The following EIF4E variants were observed in gnomAD, a reference collection of about 807,000 sequenced individuals.
EIF4E encodes eukaryotic translation initiation factor 4E, also known as eIF-4F 25 kDa subunit.
For synonymous variants in EIF4E, 71 were observed against 88.5 expected (o/e 0.80, Z 1.11); for missense variants, 113 against 265.6 (o/e 0.43, Z 3.99).
At chr4:98,914,850 TG>T (rs1263359141) in intron 1 of EIF4E, among the ~76,000 whole-genome samples, 1 of 152,170 alleles carries the variant, frequency 6.6e-6, no homozygotes, top group East Asian at 1.9e-4. Flanking sequence ...ATGTTGACAC[TG>T]GGAAAGCTGT....
Position 98,909,975 on chromosome 4 carries a change from T to C in EIF4E, c.19-7993A>G, listed in dbSNP as rs562503628. 5 of 482,696 alleles carry C rather than the reference T, an allele frequency of 1.0e-5. No individual in the cohort carries two copies. In the South Asian group the frequency reaches 1.7e-4, roughly 16 times the overall value. 29.9% of individuals were successfully genotyped at this position (482,696 alleles called of 1,614,324 possible). A position where few individuals can be genotyped will look rare whatever the true frequency, so the allele number is the denominator to read the frequency against. On this transcript the variant is annotated intron_variant, in intron 1 of 6. Transcript: ENST00000450253. ...TCACAGCACCCTCAAATATGTAAATTAGTATAATTAATTAACTAGTACACA... is the reference window on the plus strand; with the variant it reads ...TCACAGCACCCTCAAATATGTAAATCAGTATAATTAATTAACTAGTACACA...
rs2110169780 is a variant in EIF4E at position 98,879,806 on chromosome 4, C to T, written c.*1222G>A. On this transcript the variant is annotated 3_prime_UTR_variant, in exon 7 of 7. Transcript: ENST00000450253. The stretch of plus-strand genomic sequence containing the variant: ...ACATATTAAGAGAGTACATTATTTA[C>T]CTAAGACTGAATGACTGTGCCTTAC... The T allele has an allele frequency of 6.6e-6, 1 of 152,168 alleles. No individual in the cohort carries two copies. Among genetic ancestry groups the T allele is most frequent in the South Asian group, 2.1e-4 (1 of 4,816 alleles). The allele number at this position is 152,168 out of a possible 1,614,324, so 9.4% of individuals were successfully genotyped here.
intron 2 of EIF4E, among the ~76,000 whole-genome samples, chr4:98,898,363 C>T (rs1724506784): frequency 6.6e-6 from 1 of 152,108 alleles, no homozygotes; most frequent in Admixed American, 6.6e-5. Flanking sequence ...AATCCCAGCA[C>T]TTTGCGAGGC....
chr4:98,906,509 A>G (rs72905048), intron 1 of EIF4E, among the ~76,000 whole-genome samples: 10,279 of 152,144 alleles, frequency 0.068, 1,133 homozygotes, highest in African/African-American at 0.23. Flanking sequence ...CAAAAGTATT[A>G]TATTAGAAAT....
rs113885061 is a variant in EIF4E, at chr4:98,918,188, C to A, written c.18+10907G>T. Among the ~76,000 whole-genome samples the A allele has an allele frequency of 4.6e-5, 7 of 151,444 alleles. 1 individual carries two copies. Among genetic ancestry groups the A allele is most frequent in the African/African-American group, 1.7e-4 (7 of 41,348 alleles). ...GACCAGCCTGGCCAACATGATGAAA[C>A]CCTGTCTCTACTAAAAACACAAACA... On this transcript the variant is annotated intron_variant, in intron 1 of 6. Transcript: ENST00000450253.
At chr4:98,903,998 G>C (rs903568999) in intron 1 of EIF4E, among the ~76,000 whole-genome samples, 3 of 152,150 alleles carry the variant, frequency 2.0e-5, no homozygotes, top group Non-Finnish European at 2.9e-5. Flanking sequence ...TTGGGGGACA[G>C]GGTACCAGAG....
At chr4:98,892,336 C>CAAAAAAAAA (rs1724180139) in intron 2 of EIF4E, among the ~76,000 whole-genome samples, 1 of 131,228 alleles carries the variant, frequency 7.6e-6, no homozygotes, top group Non-Finnish European at 1.6e-5. Flanking sequence ...AACAAAAAAA[C>CAAAAAAAAA]AAACAAAAAA....
In EIF4E at chr4:98,887,838, C is replaced by G; in HGVS notation, c.285+51G>C. The G allele has an allele frequency of 6.6e-7, 1 of 1,510,484 alleles. No homozygotes were observed. Among genetic ancestry groups the G allele is most frequent in the Non-Finnish European group, 9.2e-7 (1 of 1,092,708 alleles). The allele number at this position is 1,510,484 out of a possible 1,614,324, so 93.6% of individuals were successfully genotyped here. ...TTATGGTAAGATTTCTTAATGAATACCAAATGGCCCAGTCCTATAATAAAT... is the reference window on the plus strand; with the variant it reads ...TTATGGTAAGATTTCTTAATGAATAGCAAATGGCCCAGTCCTATAATAAAT... On this transcript the variant is annotated intron_variant, in intron 4 of 6. Coordinates refer to ENST00000450253, the MANE Select transcript of EIF4E (RefSeq NM_001968.5). The surrounding 1 kb of genome is among the most constrained non-coding windows in gnomAD (Gnocchi z 4.0).
chr4:98,912,998 G>A (rs1475018333), intron 1 of EIF4E, among the ~76,000 whole-genome samples: 1 of 152,124 alleles, frequency 6.6e-6, no homozygotes, highest in Non-Finnish European at 1.5e-5. Context: ...CCTGAGGTCA[G>A]GTGTTCGAGA....
At chr4:98,907,119 ATTTG>A (rs1414239531) in intron 1 of EIF4E, among the ~76,000 whole-genome samples, 24 of 152,230 alleles carry the variant, frequency 1.6e-4, no homozygotes, top group African/African-American at 5.3e-4. Context: ...GTTTCATATG[ATTTG>A]TTTTAGAAAG....
At chr4:98,900,760 G>T (rs925840742) in intron 2 of EIF4E, among the ~76,000 whole-genome samples, 1 of 152,156 alleles carries the variant, frequency 6.6e-6, no homozygotes, top group South Asian at 2.1e-4. Context: ...GGAAAGGAGT[G>T]GGAAGAGTTG....
At chr4:98,909,256 G>A (rs773592253) in intron 1 of EIF4E, among the ~76,000 whole-genome samples, 1 of 152,184 alleles carries the variant, frequency 6.6e-6, no homozygotes, top group Non-Finnish European at 1.5e-5. Flanking sequence ...ATACAGGTAA[G>A]TGTAAGTAAA....
Position 98,891,251 on chromosome 4 carries a change from A to C in EIF4E, c.207T>G (p.Val69=), listed in dbSNP as rs1323613935. ...NLRLISKFDT[V]EDFWALYNHI... is the part of the protein sequence containing the mutation. ...TGGTTACTTACGCCCAAAAGTCTTC[A>C]ACAGTATCAAACTTGGAGATCAGCC... Residue 69 remains valine, a synonymous_variant, in exon 3 of 7, where the codon GTT becomes GTG. Coordinates refer to ENST00000450253, the MANE Select transcript of EIF4E (RefSeq NM_001968.5). 3 of 1,614,076 alleles carry C rather than the reference A, an allele frequency of 1.9e-6. No homozygotes were observed. Among genetic ancestry groups the C allele is most frequent in the Non-Finnish European group, 2.5e-6 (3 of 1,180,026 alleles).
At chr4:98,906,873 G>A (rs917968265) in intron 1 of EIF4E, among the ~76,000 whole-genome samples, 2 of 152,118 alleles carry the variant, frequency 1.3e-5, no homozygotes, top group African/African-American at 4.8e-5. Flanking sequence ...AGTAACTTCC[G>A]TGGCCTCAGT....
chr4:98,884,436 C>T (rs1723826257), intron 6 of EIF4E, among the ~76,000 whole-genome samples: 2 of 152,156 alleles, frequency 1.3e-5, no homozygotes. Flanking sequence ...GGCGCAGTGG[C>T]TCATGCCTGT....
At position 98,883,703 on chromosome 4, in the gene EIF4E, T is replaced by G. The variant is rs534941726; in HGVS notation, c.539+1219A>C. On this transcript the variant is annotated intron_variant, in intron 6 of 6. Transcript: ENST00000450253. The stretch of plus-strand genomic sequence containing the variant: ...CAGGTGTGAGCCACTGCGCCTGGTG[T>G]CAAATATTACTAATATAATTGAGGT... 2.6e-5 allele frequency among the ~76,000 whole-genome samples: 4 copies of G among 151,838 alleles called. No individual in the cohort carries two copies. The East Asian group carries it at 5.8e-4, about 22-fold the overall frequency.
At position 98,885,203 on chromosome 4, in the gene EIF4E, A is replaced by T. The variant is rs977551705; in HGVS notation, c.400-142T>A. 3 of 1,037,398 alleles carry T rather than the reference A, an allele frequency of 2.9e-6. No individual in the cohort carries two copies. In the Admixed American group the frequency reaches 7.2e-5, roughly 25 times the overall value. The allele number at this position is 1,037,398 out of a possible 1,614,324, so 64.3% of individuals were successfully genotyped here. A position where few individuals can be genotyped will look rare whatever the true frequency, so the allele number is the denominator to read the frequency against. ...TTTTAAATGTGTAAATTTTATTTGC[A>T]TATATTGATCTGTCCTGACTTTTAA... On this transcript the variant is annotated intron_variant, in intron 5 of 6. Transcript: ENST00000450253.
intron 2 of EIF4E, 46 bp from the exon 3 acceptor site, chr4:98,891,378 T>G (rs765736373): frequency 1.3e-6 from 2 of 1,539,368 alleles, no homozygotes; most frequent in Admixed American, 1.8e-5. Context: ...TGCATACCCA[T>G]GTTAAAAGCA....
intron 2 of EIF4E, among the ~76,000 whole-genome samples, chr4:98,899,091 T>C (rs1026232963): frequency 6.6e-6 from 1 of 151,892 alleles, no homozygotes; most frequent in Non-Finnish European, 1.5e-5. Flanking sequence ...CAGACAATGT[T>C]AGAAGACAAA....
Sources: gnomAD v4.1 joint callset for allele counts (sites outside exome capture counted in the v4.1 genomes callset) on GRCh38, gnomAD v4.1.1 for gene constraint, Gnocchi (gnomAD v3.1) non-coding constraint, MANE v1.5 for transcripts, NCBI Gene and HGNC (gene_info 2026-07-23, HGNC 2026-07-21) for gene names.